The following SGCD variants were observed in gnomAD, a reference collection of about 807,000 sequenced individuals.
SGCD encodes sarcoglycan delta.
SGCD carries 18 observed loss-of-function variants against 36.6 expected under a neutral mutation model. The observed-to-expected ratio is 0.49, with a 90% CI of 0.34 to 0.73. SGCD has a LOEUF of 0.73. Among genes scored for constraint, SGCD ranks in the 30% least tolerant of loss-of-function variants. SGCD has a pLI of 0.01. For synonymous variants in SGCD, 133 were observed against 130.6 expected (o/e 1.02, Z -0.12); for missense variants, 387 against 346.7 (o/e 1.12, Z -0.92).
the SGCD span, among the ~76,000 whole-genome samples, chr5:155,793,845 A>T: frequency 6.6e-6 from 1 of 151,886 alleles, no homozygotes; most frequent in Admixed American, 6.6e-5. Flanking sequence ...CACCGCGCTC[A>T]TCCAAAATGT....
chr5:156,644,563 C>G (rs563350658), intron 6 of SGCD, among the ~76,000 whole-genome samples: 1 of 150,900 alleles, frequency 6.6e-6, no homozygotes, highest in East Asian at 1.9e-4. Flanking sequence ...TCCTTAAACA[C>G]TGAGAAAATG....
chr5:155,893,871 G>A (rs1425942843), intron 1 of SGCD, among the ~76,000 whole-genome samples: 1 of 152,214 alleles, frequency 6.6e-6, no homozygotes, highest in Non-Finnish European at 1.5e-5. Flanking sequence ...ATATGGTAAA[G>A]CCTGTTACTC....
At chr5:156,229,239 C>CACATATATATATACATATATAT (rs1561574797) in intron 3 of SGCD, among the ~76,000 whole-genome samples, 2 of 103,844 alleles carry the variant, frequency 1.9e-5, no homozygotes, top group African/African-American at 6.9e-5. Context: ...CATATACATA[C>CACATATATATATACATATATAT]ATATATATAT....
At chr5:155,874,266 G>T (rs1368072554) in intron 1 of SGCD, among the ~76,000 whole-genome samples, 1 of 151,968 alleles carries the variant, frequency 6.6e-6, no homozygotes, top group East Asian at 1.9e-4. Context: ...AACTTACCAT[G>T]GTATGAGTAC....
intron 3 of SGCD, among the ~76,000 whole-genome samples, chr5:156,502,647 T>C (rs930420665): frequency 2.0e-5 from 3 of 152,208 alleles, no homozygotes; most frequent in Non-Finnish European, 4.4e-5. Context: ...ATTCTCAATC[T>C]TCTAAATACC....
intron 7 of SGCD, among the ~76,000 whole-genome samples, chr5:156,699,891 T>G (rs1169998100): frequency 6.6e-6 from 1 of 152,268 alleles, no homozygotes; most frequent in Admixed American, 6.5e-5. Flanking sequence ...GTGGCATTGA[T>G]CAAGATCCCA....
chr5:156,507,883 T>C (rs1381122518), intron 3 of SGCD, among the ~76,000 whole-genome samples: 1 of 152,172 alleles, frequency 6.6e-6, no homozygotes, highest in Non-Finnish European at 1.5e-5. Flanking sequence ...AAAAACATAT[T>C]AGTGAAATTT....
intron 1 of SGCD, among the ~76,000 whole-genome samples, chr5:156,000,769 T>C (rs1758646446): frequency 6.6e-6 from 1 of 151,542 alleles, no homozygotes; most frequent in Non-Finnish European, 1.5e-5. Flanking sequence ...CTCAAGGGCT[T>C]ATTCAAACAC....
At chr5:155,728,617 C>G in the SGCD span, among the ~76,000 whole-genome samples, 1 of 152,166 alleles carries the variant, frequency 6.6e-6, no homozygotes, top group Non-Finnish European at 1.5e-5. Flanking sequence ...CCGGCGGAGG[C>G]TTTCCGCAGC....
At chr5:156,144,880 G>T (rs1762674654) in intron 3 of SGCD, among the ~76,000 whole-genome samples, 1 of 152,180 alleles carries the variant, frequency 6.6e-6, no homozygotes, top group Non-Finnish European at 1.5e-5. Context: ...AGTCTCATAG[G>T]CAGAAGGGAC....
At chr5:156,508,505 A>T in intron 3 of SGCD, 96 bp from the exon 4 acceptor site, 1 of 687,156 alleles carries the variant, frequency 1.5e-6, no homozygotes. Context: ...CAAAAATTAA[A>T]AAAAAAAAAG....
intron 2 of SGCD, among the ~76,000 whole-genome samples, chr5:156,339,281 T>A (rs1165260046): frequency 1.3e-5 from 2 of 152,204 alleles, no homozygotes; most frequent in Non-Finnish European, 2.9e-5. Flanking sequence ...AAACAGATGA[T>A]CCTTAAGTCA....
intron 3 of SGCD, among the ~76,000 whole-genome samples, chr5:156,358,570 A>G (rs113414568): frequency 6.6e-6 from 1 of 152,204 alleles, no homozygotes; most frequent in African/African-American, 2.4e-5. Context: ...AGTGCTTGAG[A>G]TATGAGAGTG....
At chr5:156,740,449 T>A (rs573395755) in intron 7 of SGCD, among the ~76,000 whole-genome samples, 1 of 152,156 alleles carries the variant, frequency 6.6e-6, no homozygotes. Flanking sequence ...TATGTCACCT[T>A]CTTAGAGACA....
At chr5:156,029,546 C>G (rs1337139224) in intron 1 of SGCD, among the ~76,000 whole-genome samples, 2 of 152,152 alleles carry the variant, frequency 1.3e-5, no homozygotes, top group African/African-American at 4.8e-5. Context: ...TGCTTAGTAT[C>G]AGGAGAATGA....
At chr5:156,389,247 T>C (rs531769063) in intron 3 of SGCD, among the ~76,000 whole-genome samples, 83 of 152,206 alleles carry the variant, frequency 5.5e-4, no homozygotes, top group Non-Finnish European at 9.0e-4. Flanking sequence ...CTATTTGAAA[T>C]TGTGCCATGG....
chr5:156,173,444 A>G lies in SGCD; in HGVS notation c.-44+49425A>G, dbSNP rs114803375. Among the ~76,000 whole-genome samples the G allele has an allele frequency of 9.4e-3, 1,429 of 152,344 alleles. 15 individuals carry two copies. The highest frequency in any genetic ancestry group is 0.033 in the African/African-American group (1,375 of 41,576). On this transcript the variant is annotated intron_variant, in intron 3 of 9. Coordinates refer to the SGCD transcript ENST00000517913. ...GTCTTTTTGTTCTTAACAAAAATACATGAAAGAAGTAAATAAACAGCTATT... is the reference window on the plus strand; with the variant it reads ...GTCTTTTTGTTCTTAACAAAAATACGTGAAAGAAGTAAATAAACAGCTATT...
chr5:156,153,590 G>T (rs566464559), intron 3 of SGCD, among the ~76,000 whole-genome samples: 12 of 151,624 alleles, frequency 7.9e-5, no homozygotes, highest in Non-Finnish European at 1.5e-4. Context: ...GCCTTATTTT[G>T]GCTGATAGTC....
chr5:156,119,899 A>C (rs1050353109), intron 2 of SGCD, among the ~76,000 whole-genome samples: 9 of 152,166 alleles, frequency 5.9e-5, no homozygotes, highest in Non-Finnish European at 8.8e-5. Flanking sequence ...TTGAAAAATG[A>C]CAGATTCCCT....
Sources: allele counts gnomAD v4.1 joint callset (sites outside exome capture counted in the v4.1 genomes callset), GRCh38; gene constraint gnomAD v4.1.1; transcripts MANE v1.5; gene names NCBI Gene and HGNC (gene_info 2026-07-23, HGNC 2026-07-21).